CEP20: variants seen among roughly 807,000 people sequenced by gnomAD.
CEP20 encodes the protein FGFR1OP N-terminal like.
A neutral mutation model predicts 20.0 loss-of-function variants in CEP20; 18 were observed. That is an observed-to-expected ratio of 0.90 (90% confidence interval 0.62 to 1.34). The LOEUF is 1.34. CEP20 is among the 40% of genes most tolerant of loss of function. The pLI is 0.00. For synonymous variants in CEP20, 77 were observed against 73.7 expected (o/e 1.04, Z -0.23); for missense variants, 215 against 201.6 (o/e 1.07, Z -0.40).
At position 15,888,580 on chromosome 16, in the gene CEP20, C is replaced by G. The variant is rs1171313901; in HGVS notation, c.6G>C (p.Ala2=). 6.2e-7 allele frequency: 1 copy of G among 1,614,060 alleles called. No homozygotes were observed. Among genetic ancestry groups the G allele is most frequent in the African/African-American group, 1.3e-5 (1 of 74,938 alleles). The part of the protein sequence containing the change: M[A]TVAELKAVLK... Reference sequence around the variant, plus strand: ...CACCAGCCTTCAACTCTGCCACAGTCGCCATTTTTCAACGGCCGCCAGGGC... The same window carrying G: ...CACCAGCCTTCAACTCTGCCACAGTGGCCATTTTTCAACGGCCGCCAGGGC... Residue 2 remains alanine (A), a synonymous_variant, in exon 1 of 5, where the codon GCG becomes GCC. Transcript: ENST00000255759.
chr16:15,881,345 T>C (rs1041184739), intron 2 of CEP20, among the ~76,000 whole-genome samples: 3 of 152,218 alleles, frequency 2.0e-5, no homozygotes, highest in Non-Finnish European at 4.4e-5. Flanking sequence ...TAATTTCTTC[T>C]TTTCTGGGTG....
At chr16:15,872,771 CTCAAAAAAATACATAA>C (rs2044852329) in intron 4 of CEP20, among the ~76,000 whole-genome samples, 1 of 124,206 alleles carries the variant, frequency 8.1e-6, no homozygotes, top group Non-Finnish European at 1.6e-5. Flanking sequence ...ATTTTTATGT[CTCAAAAAAATACATAA>C]AAATTTAAAA....
At position 15,866,783 on chromosome 16, in the gene CEP20, AC is replaced by A. The variant is rs1313879212; in HGVS notation, c.*656del. Reference sequence around the variant, plus strand: ...ACAGCAAAATTATTACAGCAAATTTACTTCTCCTCTACCTTTTAATTAAATC... The same window carrying A: ...ACAGCAAAATTATTACAGCAAATTTATTCTCCTCTACCTTTTAATTAAATC... On this transcript the variant is annotated 3_prime_UTR_variant, in exon 5 of 5. Coordinates refer to ENST00000255759, the MANE Select transcript of CEP20 (RefSeq NM_144600.4). The A allele has an allele frequency of 6.6e-6, 1 of 152,244 alleles. No homozygotes were observed. The highest frequency in any genetic ancestry group is 2.4e-5 in the African/African-American group (1 of 41,468). 9.4% of individuals were successfully genotyped at this position (152,244 alleles called of 1,614,324 possible).
chr16:15,869,462 C>T (rs974567227), intron 4 of CEP20, among the ~76,000 whole-genome samples: 1 of 151,996 alleles, frequency 6.6e-6, no homozygotes, highest in African/African-American at 2.4e-5. Flanking sequence ...AGGCGTACAC[C>T]ACCACGTCCA....
At chr16:15,867,968 G>A (rs2044722052) in intron 4 of CEP20, among the ~76,000 whole-genome samples, 1 of 137,422 alleles carries the variant, frequency 7.3e-6, no homozygotes, top group Non-Finnish European at 1.6e-5. Flanking sequence ...AGTGAAACTC[G>A]GTCTCAAAAA....
intron 2 of CEP20, among the ~76,000 whole-genome samples, chr16:15,881,730 G>A (rs2045102049): frequency 6.6e-6 from 1 of 150,692 alleles, no homozygotes; most frequent in Admixed American, 6.7e-5. Flanking sequence ...TCACTTTTTT[G>A]AAAGAAGACA....
chr16:15,886,216 A>G (rs2045243737), intron 1 of CEP20: 1 of 152,240 alleles, frequency 6.6e-6, no homozygotes, highest in Non-Finnish European at 1.5e-5. Flanking sequence ...TATGGACATA[A>G]GATCTTTCTA....
Position 15,884,175 on chromosome 16 carries a change from A to G in CEP20, c.59T>C (p.Val20Ala). 1.2e-6 allele frequency: 2 copies of G among 1,611,880 alleles called. No homozygotes were observed. The highest frequency in any genetic ancestry group is 1.1e-5 in the South Asian group (1 of 90,970). Residue 20 changes from valine (V) to alanine (A), a missense_variant, in exon 2 of 5, where the codon GTA becomes GCA. Physicochemically the swap from Val to Ala is moderately conservative, Grantham distance 64. Transcript: ENST00000255759. ...VLKDTLEKKGVLGHLKARIRA... is the reference protein window; with the variant it reads ...VLKDTLEKKGALGHLKARIRA... ...GATCCTTGCTTTTAAATGCCCTAAT[A>G]CCCCCTTTTTTTCCAAGGTGTCCTT... is the stretch of plus-strand genomic sequence containing the variant.
At chr16:15,871,180 T>C (rs1365989808) in intron 4 of CEP20, among the ~76,000 whole-genome samples, 1 of 151,968 alleles carries the variant, frequency 6.6e-6, no homozygotes, top group Non-Finnish European at 1.5e-5. Flanking sequence ...CACTTGAACC[T>C]GGGAGGCGGA....
chr16:15,874,937 A>G (rs925491688), intron 3 of CEP20, among the ~76,000 whole-genome samples: 2 of 152,192 alleles, frequency 1.3e-5, no homozygotes, highest in African/African-American at 4.8e-5. Context: ...ACATGCAGTA[A>G]GGAATTGAGG....
At chr16:15,874,293 C>T (rs4781695) in intron 3 of CEP20, among the ~76,000 whole-genome samples, 125,537 of 152,146 alleles carry the variant, frequency 0.83, 51,892 homozygotes, top group Non-Finnish European at 0.85. Flanking sequence ...TTAATATTTA[C>T]ATTACCTATT....
intron 2 of CEP20, among the ~76,000 whole-genome samples, chr16:15,880,926 G>T (rs543076536): frequency 2.6e-5 from 4 of 151,796 alleles, no homozygotes; most frequent in Admixed American, 2.6e-4. Flanking sequence ...CCCCAGATGG[G>T]ACCATCTAGT....
chr16:15,888,316 A>G (rs757614890), intron 1 of CEP20, among the ~76,000 whole-genome samples: 3 of 152,140 alleles, frequency 2.0e-5, no homozygotes, highest in Non-Finnish European at 4.4e-5. Context: ...CCTGAAGATT[A>G]CGCAACTCCT....
chr16:15,885,008 T>C (rs2045205843), intron 1 of CEP20: 1 of 152,012 alleles, frequency 6.6e-6, no homozygotes, highest in Non-Finnish European at 1.5e-5. Flanking sequence ...GTTGGGTTAC[T>C]GTGTAAAAAC....
At chr16:15,880,025 A>C (rs1425575019) in intron 2 of CEP20, 137 bp from the exon 3 acceptor site, 1 of 602,148 alleles carries the variant, frequency 1.7e-6, no homozygotes, top group Non-Finnish European at 2.9e-6. Context: ...AAGACAGATC[A>C]AATTGCCTGT....
chr16:15,884,078 T>A lies in CEP20; in HGVS notation c.156A>T (p.Leu52=). The part of the protein sequence containing the change: ...PRPSLSHENL[L]INELIREYLE... ...AATACTCTCGAATTAATTCATTAAT[T>A]AGAAGGTTTTCATGAGACAATGATG... The change falls in exon 2 of 5, where the codon CTA becomes CTT. Residue 52 remains leucine, a synonymous_variant. Coordinates refer to ENST00000255759, the MANE Select transcript of CEP20 (RefSeq NM_144600.4). 6.2e-7 allele frequency: 1 copy of A among 1,614,072 alleles called. No homozygotes were observed. Among genetic ancestry groups the A allele is most frequent in the Non-Finnish European group, 8.5e-7 (1 of 1,179,922 alleles).
At chr16:15,867,658 C>A in intron 4 of CEP20, 142 bp from the exon 5 acceptor site, 1 of 541,134 alleles carries the variant, frequency 1.8e-6, no homozygotes, top group Non-Finnish European at 3.1e-6. Flanking sequence ...GAAAAAAACC[C>A]ATTATTTTTT....
At chr16:15,873,999 T>G (rs1375289053) in intron 3 of CEP20, among the ~76,000 whole-genome samples, 1 of 152,210 alleles carries the variant, frequency 6.6e-6, no homozygotes, top group East Asian at 1.9e-4. Context: ...ACCTCTTGAT[T>G]AATAAGTCCT....
chr16:15,878,811 TC>T (rs2045022834), intron 3 of CEP20, among the ~76,000 whole-genome samples: 1 of 152,166 alleles, frequency 6.6e-6, no homozygotes, highest in Admixed American at 6.5e-5. Flanking sequence ...AGATGGGGTT[TC>T]CCCATGTTGT....
Sources: gnomAD v4.1 joint callset for allele counts (sites outside exome capture counted in the v4.1 genomes callset) on GRCh38, gnomAD v4.1.1 for gene constraint, MANE v1.5 for transcripts, NCBI Gene and HGNC (gene_info 2026-07-23, HGNC 2026-07-21) for gene names.